OR10K1: variants seen among roughly 807,000 people sequenced by gnomAD.
OR10K1 encodes olfactory receptor family 10 subfamily K member 1.
For synonymous variants in OR10K1, 186 were observed against 152.5 expected, an observed-to-expected ratio of 1.22 and a Z score of -1.62; for missense variants, 404 against 373.3, an observed-to-expected ratio of 1.08 and a Z score of -0.68.
rs16840204 is a variant in OR10K1, at chr1:158,466,137, C to T, written c.576C>T (p.Ser192=). 3.6e-5 allele frequency: 58 copies of T among 1,613,852 alleles called. No homozygotes were observed. The highest frequency in any genetic ancestry group is 9.3e-5 in the African/African-American group (7 of 75,056). The change falls in exon 2 of 2, where the codon TCC becomes TCT. Residue 192 remains serine (S), a synonymous_variant. Transcript: ENST00000641535. The part of the protein sequence containing the change: ...SPVLKLASQH[S]GFSQLVIFML... ...TCCTTAAACTGGCATCTCAGCACTCCGGCTTCAGTCAGCTGGTCATATTCA... is the reference window on the plus strand; with the variant it reads ...TCCTTAAACTGGCATCTCAGCACTCTGGCTTCAGTCAGCTGGTCATATTCA...
chr1:158,465,490 A>G lies in OR10K1; in HGVS notation c.-72A>G. 8.3e-7 allele frequency: 1 copy of G among 1,200,146 alleles called. No individual in the cohort carries two copies. Among genetic ancestry groups the G allele is most frequent in the Non-Finnish European group, 1.2e-6 (1 of 845,094 alleles). 74.3% of individuals were successfully genotyped at this position (1,200,146 alleles called of 1,614,324 possible). On this transcript the variant is annotated 5_prime_UTR_variant, in exon 2 of 2. Transcript: ENST00000641535. ...GCAAACTTTGTGTGAAATTTCCCGTACATTTCCACTCTCCTTTCTGGATCC... is the reference window on the plus strand; with the variant it reads ...GCAAACTTTGTGTGAAATTTCCCGTGCATTTCCACTCTCCTTTCTGGATCC...
chr1:158,464,499 T>C (rs1655991494), intron 1 of OR10K1, among the ~76,000 whole-genome samples: 1 of 152,148 alleles, frequency 6.6e-6, no homozygotes, highest in Admixed American at 6.6e-5. Flanking sequence ...TCTGAGTTTC[T>C]CCAAGTTAGC....
At chr1:158,464,639 T>G (rs745355324) in intron 1 of OR10K1, among the ~76,000 whole-genome samples, 1 of 152,040 alleles carries the variant, frequency 6.6e-6, no homozygotes, top group Non-Finnish European at 1.5e-5. Context: ...TGTTATTTAT[T>G]TTTATTTTAT....
intron 1 of OR10K1, among the ~76,000 whole-genome samples, chr1:158,463,624 G>A (rs930327008): frequency 2.0e-5 from 3 of 152,006 alleles, no homozygotes; most frequent in Non-Finnish European, 2.9e-5. Context: ...GCCTAGTGGC[G>A]GTTAAAGGTT....
intron 1 of OR10K1, among the ~76,000 whole-genome samples, chr1:158,463,294 T>C (rs762617494): frequency 2.0e-5 from 3 of 152,206 alleles, no homozygotes; most frequent in Non-Finnish European, 2.9e-5. Context: ...AGTCTTTCTA[T>C]CAGTACAGAT....
chr1:158,462,448 T>A (rs2101664544), intron 1 of OR10K1, among the ~76,000 whole-genome samples: 1 of 151,460 alleles, frequency 6.6e-6, no homozygotes, highest in East Asian at 1.9e-4. Context: ...CTTCTCTTTT[T>A]TGTTCATTGG....
rs1325084183 is a variant in OR10K1 at position 158,465,916 on chromosome 1, G to A, written c.355G>A (p.Gly119Ser). ...SSHSFLLAAMGYDRYMAICNP... is the reference protein window; with the variant it reads ...SSHSFLLAAMSYDRYMAICNP... ...TCACTCCTTCCTGCTGGCAGCCATG[G>A]GCTATGATCGCTATATGGCCATCTG... Residue 119 changes from glycine to serine, a missense_variant, in exon 2 of 2, where the codon GGC becomes AGC. Transcript: ENST00000641535. 2.5e-6 allele frequency: 4 copies of A among 1,614,112 alleles called. No individual in the cohort carries two copies. In the East Asian group the frequency reaches 8.9e-5, roughly 36 times the overall value.
Position 158,466,858 on chromosome 1 carries a change from CAA to C in OR10K1, c.*367_*368del, listed in dbSNP as rs34100477. On this transcript the variant is annotated 3_prime_UTR_variant, in exon 2 of 2. Coordinates refer to ENST00000641535, the MANE Select transcript of OR10K1 (RefSeq NM_001004473.2). ...TACATCAGGAAAGAAAAGATGTATC[CAA>C]AAAAAAAAAAAGAAAGAAAAAAGAA... 2,230 of 90,156 alleles carry C rather than the reference CAA, an allele frequency of 0.025. 52 individuals are homozygous for C. Among genetic ancestry groups the C allele is most frequent in the African/African-American group, 0.09 (2,112 of 23,414 alleles). The allele number at this position is 90,156 out of a possible 1,614,324, so 5.6% of individuals were successfully genotyped here. A position where few individuals can be genotyped will look rare whatever the true frequency, so the allele number is the denominator to read the frequency against.
Position 158,466,430 on chromosome 1 carries a change from AT to A in OR10K1, c.870del (p.Tyr290Ter). 6.2e-7 allele frequency: 1 copy of A among 1,614,088 alleles called. No individual in the cohort carries two copies. The highest frequency in any genetic ancestry group is 8.5e-7 in the Non-Finnish European group (1 of 1,179,968). Reference protein sequence around the residue: ...ILTPLFNPMIYSLRNKEFKSA... With the variant: ...ILTPLFNPMIXSLRNKEFKSA... ...ACCCCATTGTTCAATCCAATGATTT[AT>A]AGTCTGAGAAATAAGGAATTCAAAT... On this transcript the variant is annotated frameshift_variant, in exon 2 of 2. Transcript: ENST00000641535. LOFTEE classifies it low-confidence loss of function (END_TRUNC).
intron 1 of OR10K1, among the ~76,000 whole-genome samples, chr1:158,462,312 G>C (rs549086466): frequency 1.3e-5 from 2 of 149,018 alleles, no homozygotes; most frequent in Non-Finnish European, 3.0e-5. Flanking sequence ...AATTGTTCTT[G>C]AAGATCATAT....
rs970738375 is a variant in OR10K1, at chr1:158,466,790, A to C, written c.*287A>C. ...AAAACTAATATGAGAGCAAAGATGC[A>C]TCTAAACTGATGAGAGCTGTGTCTT... On this transcript the variant is annotated 3_prime_UTR_variant, in exon 2 of 2. Coordinates refer to ENST00000641535, the MANE Select transcript of OR10K1 (RefSeq NM_001004473.2). The C allele has an allele frequency of 2.9e-6, 1 of 342,400 alleles. No homozygotes were observed. The highest frequency in any genetic ancestry group is 5.3e-6 in the Non-Finnish European group (1 of 188,674). 21.2% of individuals were successfully genotyped at this position (342,400 alleles called of 1,614,324 possible). A position where few individuals can be genotyped will look rare whatever the true frequency, so the allele number is the denominator to read the frequency against.
intron 1 of OR10K1, among the ~76,000 whole-genome samples, chr1:158,464,623 C>T (rs1655993763): frequency 6.6e-6 from 1 of 152,030 alleles, no homozygotes; most frequent in Non-Finnish European, 1.5e-5. Flanking sequence ...TATACTAATG[C>T]ACTAATGTTA....
chr1:158,464,574 T>C (rs1655992749), intron 1 of OR10K1, among the ~76,000 whole-genome samples: 1 of 152,198 alleles, frequency 6.6e-6, no homozygotes, highest in South Asian at 2.1e-4. Context: ...TTTACCACCC[T>C]GGTGACTATT....
intron 1 of OR10K1, among the ~76,000 whole-genome samples, chr1:158,464,112 A>C (rs1157660032): frequency 2.0e-5 from 3 of 152,228 alleles, no homozygotes; most frequent in Non-Finnish European, 2.9e-5. Flanking sequence ...TTCTGGTAGC[A>C]GATGCCAATA....
In OR10K1 at chr1:158,465,451, A is replaced by G. The variant is rs1656012086; in HGVS notation, c.-111A>G. ...TGAAGAATTCCATCAAATATCTGGA[A>G]ATGCCTGCCACCTGCAAACTTTGTG... On this transcript the variant is annotated 5_prime_UTR_variant, in exon 2 of 2. Transcript: ENST00000641535. 3 of 789,682 alleles carry G rather than the reference A, an allele frequency of 3.8e-6. No homozygotes were observed. Among genetic ancestry groups the G allele is most frequent in the Non-Finnish European group, 4.1e-6 (2 of 492,788 alleles). 48.9% of individuals were successfully genotyped at this position (789,682 alleles called of 1,614,324 possible). A position where few individuals can be genotyped will look rare whatever the true frequency, so the allele number is the denominator to read the frequency against.
chr1:158,464,843 T>A (rs1019081328), intron 1 of OR10K1, among the ~76,000 whole-genome samples: 1 of 151,962 alleles, frequency 6.6e-6, no homozygotes, highest in Non-Finnish European at 1.5e-5. Flanking sequence ...AAGACCAGGT[T>A]TTGCCATGTT....
chr1:158,463,316 A>G (rs1655964596), intron 1 of OR10K1, among the ~76,000 whole-genome samples: 1 of 152,168 alleles, frequency 6.6e-6, no homozygotes, highest in Non-Finnish European at 1.5e-5. Context: ...ACAACACACT[A>G]TGGTGGTCCC....
Position 158,465,589 on chromosome 1 carries a change from A to T in OR10K1, c.28A>T (p.Arg10Ter). MEQVNKTVVREFVVLGFSSL... is the reference protein window; with the variant it reads MEQVNKTVV Reference sequence around the variant, plus strand: ...GGAGCAAGTCAATAAGACTGTGGTGAGAGAGTTCGTCGTCCTCGGCTTCTC... The same window carrying T: ...GGAGCAAGTCAATAAGACTGTGGTGTGAGAGTTCGTCGTCCTCGGCTTCTC... The change falls in exon 2 of 2, where the codon AGA becomes TGA. Residue 10 changes from arginine (R) to a stop codon, truncating the protein, a stop_gained. Transcript: ENST00000641535. LOFTEE classifies it low-confidence loss of function (END_TRUNC). 1.9e-6 allele frequency: 3 copies of T among 1,614,012 alleles called. No homozygotes were observed. The highest frequency in any genetic ancestry group is 1.1e-5 in the South Asian group (1 of 91,072).
chr1:158,465,339 A>G (rs1259231036), intron 1 of OR10K1, 67 bp from the exon 2 acceptor site: 6 of 581,758 alleles, frequency 1.0e-5, no homozygotes, highest in Admixed American at 6.0e-5. Flanking sequence ...TGTTCTTCAC[A>G]TTAGAGAAGG....
Sources: gnomAD v4.1 joint callset for allele counts (sites outside exome capture counted in the v4.1 genomes callset) on GRCh38, gnomAD v4.1.1 for gene constraint, MANE v1.5 for transcripts, NCBI Gene and HGNC (gene_info 2026-07-23, HGNC 2026-07-21) for gene names.